Variants in TRAF3 observed in about 807,000 individuals in gnomAD.
The protein encoded by TRAF3 is TNF receptor-associated factor 3.
A neutral mutation model predicts 62.3 loss-of-function variants in TRAF3; 13 were observed. The ratio of observed to expected loss-of-function variants is 0.21; its 90% confidence interval spans 0.14 to 0.33. TRAF3 has a LOEUF of 0.33. Among genes scored for constraint, TRAF3 ranks in the 10% least tolerant of loss-of-function variants. The pLI, the probability that TRAF3 is intolerant of heterozygous loss-of-function variation, is 1.00. For missense variants in TRAF3, 440 were observed against 741.8 expected, an observed-to-expected ratio of 0.59 and a Z score of 4.73; for synonymous variants, 269 against 283.4, an observed-to-expected ratio of 0.95 and a Z score of 0.51.
chr14:102,803,402 G>C (rs1210765110), intron 1 of TRAF3, among the ~76,000 whole-genome samples: 17 of 152,050 alleles, frequency 1.1e-4, no homozygotes, highest in Admixed American at 1.1e-3. Flanking sequence ...GAGTGACCCT[G>C]GGTCTTGGGC....
chr14:102,798,593 T>C (rs1353586866), intron 1 of TRAF3, among the ~76,000 whole-genome samples: 1 of 150,006 alleles, frequency 6.7e-6, no homozygotes, highest in Non-Finnish European at 1.5e-5. Context: ...TGAGCTGAGA[T>C]CGCACCACTG....
rs1396275666 is a variant in TRAF3 at position 102,846,636 on chromosome 14, C to CT, written c.-18+16166dup. 1.8e-4 allele frequency among the ~76,000 whole-genome samples: 12 copies of CT among 67,786 alleles called. No homozygotes were observed. In the South Asian group the frequency reaches 5.4e-3, roughly 30 times the overall value. 44.5% of individuals were successfully genotyped at this position (67,786 alleles called of 152,430 possible). On this transcript the variant is annotated intron_variant, in intron 2 of 11. Coordinates refer to ENST00000392745, the MANE Select transcript of TRAF3 (RefSeq NM_145725.3). ...TAGGCAACACAGGGAGATCCAGCTT[C>CT]TTAAAAAAAAAAAAAAAAAAAAAAA...
chr14:102,782,196 A>G lies in TRAF3; in HGVS notation c.-157+4521A>G, dbSNP rs539765802. 7.9e-5 allele frequency among the ~76,000 whole-genome samples: 12 copies of G among 151,784 alleles called. No individual in the cohort carries two copies. The East Asian group carries it at 1.4e-3, about 17-fold the overall frequency. ...TCAGGTGATCCACCTCAGCCTCCCA[A>G]AGTGCTGGGACTACAGGTGTGTAGT... is the stretch of plus-strand genomic sequence containing the variant. On this transcript the variant is annotated intron_variant, in intron 1 of 11. Coordinates refer to ENST00000392745, the MANE Select transcript of TRAF3 (RefSeq NM_145725.3).
chr14:102,854,346 G>A (rs575991011), intron 2 of TRAF3, among the ~76,000 whole-genome samples: 3 of 152,168 alleles, frequency 2.0e-5, no homozygotes, highest in Non-Finnish European at 4.4e-5. Context: ...TTAACTTTTG[G>A]AGGAACTGCC....
chr14:102,781,192 T>C (rs964982066), intron 1 of TRAF3, among the ~76,000 whole-genome samples: 1 of 152,174 alleles, frequency 6.6e-6, no homozygotes, highest in Non-Finnish European at 1.5e-5. Flanking sequence ...CCTCCCACTT[T>C]GTTTTGGTAA....
At chr14:102,818,142 C>T (rs1432538851) in intron 1 of TRAF3, among the ~76,000 whole-genome samples, 37 of 152,156 alleles carry the variant, frequency 2.4e-4, no homozygotes, top group Non-Finnish European at 7.3e-5. Flanking sequence ...ACCTTTTCCC[C>T]GTGTTCTCAA....
intron 1 of TRAF3, among the ~76,000 whole-genome samples, chr14:102,816,618 G>A (rs908778402): frequency 2.0e-5 from 3 of 151,996 alleles, no homozygotes; most frequent in Admixed American, 6.6e-5. Context: ...TGTGATTCTC[G>A]TATTTCTGTT....
At chr14:102,813,659 C>T (rs1899339067) in intron 1 of TRAF3, among the ~76,000 whole-genome samples, 1 of 152,018 alleles carries the variant, frequency 6.6e-6, no homozygotes, top group Non-Finnish European at 1.5e-5. Context: ...CCATGTTGGC[C>T]AGGCTGGTCT....
chr14:102,834,619 C>T (rs1403058171), intron 2 of TRAF3, among the ~76,000 whole-genome samples: 3 of 141,766 alleles, frequency 2.1e-5, no homozygotes, highest in Non-Finnish European at 3.0e-5. Flanking sequence ...ACCCGGGAGG[C>T]GGAGCTTGCA....
At chr14:102,832,228 G>C (rs1249237262) in intron 2 of TRAF3, among the ~76,000 whole-genome samples, 2 of 151,890 alleles carry the variant, frequency 1.3e-5, no homozygotes, top group African/African-American at 4.8e-5. Flanking sequence ...CTTTTTTTGT[G>C]GTGAGAACAC....
intron 1 of TRAF3, among the ~76,000 whole-genome samples, chr14:102,795,357 T>C (rs1898013300): frequency 6.6e-6 from 1 of 152,208 alleles, no homozygotes; most frequent in South Asian, 2.1e-4. Flanking sequence ...GGAAGAGCTA[T>C]GTCTGCCTGT....
At chr14:102,812,038 C>T (rs1237140800) in intron 1 of TRAF3, among the ~76,000 whole-genome samples, 2 of 143,016 alleles carry the variant, frequency 1.4e-5, no homozygotes, top group Admixed American at 1.5e-4. Context: ...ACTGGTATTA[C>T]AGGAGTGAGC....
At chr14:102,894,684 A>G (rs1474990214) in intron 9 of TRAF3, among the ~76,000 whole-genome samples, 1 of 152,236 alleles carries the variant, frequency 6.6e-6, no homozygotes. Flanking sequence ...AGTTGAGTTT[A>G]GTGTGGCATG....
Position 102,907,634 on chromosome 14 carries a change from C to T in TRAF3, c.*1850C>T, listed in dbSNP as rs752869140. On this transcript the variant is annotated 3_prime_UTR_variant, in exon 12 of 12. Transcript: ENST00000392745. ...TGCCTGCCTCGGCTCTCCCCGTGGCCGCGCGGGGACAGCTTGGTGGGTGCC... is the reference window on the plus strand; with the variant it reads ...TGCCTGCCTCGGCTCTCCCCGTGGCTGCGCGGGGACAGCTTGGTGGGTGCC... 12 of 152,404 alleles carry T rather than the reference C, an allele frequency of 7.9e-5. 1 individual carries two copies. Among genetic ancestry groups the T allele is most frequent in the Admixed American group, 3.9e-4 (6 of 15,312 alleles). 9.4% of individuals were successfully genotyped at this position (152,404 alleles called of 1,614,324 possible). A position where few individuals can be genotyped will look rare whatever the true frequency, so the allele number is the denominator to read the frequency against.
At chr14:102,811,550 G>GTTTTTTTTTTTTTT (rs35064640) in intron 1 of TRAF3, among the ~76,000 whole-genome samples, 2 of 79,486 alleles carry the variant, frequency 2.5e-5, no homozygotes, top group African/African-American at 4.7e-5. Context: ...GCTGTAGGCG[G>GTTTTTTTTTTTTTT]TTTTTTTTTT....
At chr14:102,791,742 T>C (rs1897799634) in intron 1 of TRAF3, among the ~76,000 whole-genome samples, 1 of 152,224 alleles carries the variant, frequency 6.6e-6, no homozygotes, top group Non-Finnish European at 1.5e-5. Flanking sequence ...GTGAGCATCC[T>C]CATATTGTTC....
chr14:102,799,652 T>C (rs963012948), intron 1 of TRAF3, among the ~76,000 whole-genome samples: 6 of 152,174 alleles, frequency 3.9e-5, no homozygotes, highest in Admixed American at 1.3e-4. Context: ...GGTTTCACCA[T>C]GTTGGTCAGG....
chr14:102,835,464 G>A (rs1885943295), intron 2 of TRAF3, among the ~76,000 whole-genome samples: 1 of 152,150 alleles, frequency 6.6e-6, no homozygotes, highest in Non-Finnish European at 1.5e-5. Flanking sequence ...GTTCACTGCA[G>A]CACTATTCAC....
chr14:102,870,181 A>C lies in TRAF3; in HGVS notation c.-17-4A>C, dbSNP rs77111999. On this transcript the variant is annotated splice_polypyrimidine_tract_variant and splice_region_variant and intron_variant, in intron 2 of 11. Coordinates refer to ENST00000392745, the MANE Select transcript of TRAF3 (RefSeq NM_145725.3). Reference sequence around the variant, plus strand: ...GATGGCACTCTACTGTTTTTTCCCGACAGAACTCCTCTTTCCTAAAATGGA... The same window carrying C: ...GATGGCACTCTACTGTTTTTTCCCGCCAGAACTCCTCTTTCCTAAAATGGA... 94 of 1,614,040 alleles carry C rather than the reference A, an allele frequency of 5.8e-5. 2 individuals carry two copies. The East Asian group carries it at 2.0e-3, about 34-fold the overall frequency.
Sources: allele counts gnomAD v4.1 joint callset (sites outside exome capture counted in the v4.1 genomes callset), GRCh38; gene constraint gnomAD v4.1.1; transcripts MANE v1.5; gene names NCBI Gene and HGNC (gene_info 2026-07-23, HGNC 2026-07-21).